ARPC1A: variants seen among roughly 807,000 people sequenced by gnomAD.
ARPC1A encodes the protein actin-related protein 2/3 complex subunit 1A.
ARPC1A carries 8 observed loss-of-function variants against 46.9 expected under a neutral mutation model. That is an observed-to-expected ratio of 0.17 (90% CI 0.10 to 0.31). The LOEUF (loss-of-function observed/expected upper bound fraction) is 0.31. ARPC1A is among the 10% of genes least tolerant of loss of function. The pLI is 1.00. For synonymous variants in ARPC1A, 152 were observed against 169.0 expected, an observed-to-expected ratio of 0.90 and a Z score of 0.78; for missense variants, 286 against 483.6, an observed-to-expected ratio of 0.59 and a Z score of 3.83.
intron 2 of ARPC1A, among the ~76,000 whole-genome samples, chr7:99,336,044 A>G (rs1451860133): frequency 1.3e-5 from 2 of 152,028 alleles, no homozygotes; most frequent in African/African-American, 4.8e-5. Flanking sequence ...TTTTGTGATC[A>G]TCTCACAGAG....
intron 7 of ARPC1A, among the ~76,000 whole-genome samples, chr7:99,359,046 T>C (rs1338792661): frequency 1.4e-5 from 2 of 147,742 alleles, no homozygotes; most frequent in African/African-American, 5.0e-5. Flanking sequence ...TTAGCCAGGA[T>C]GGTCTCAATC....
At chr7:99,360,103 C>T (rs1793714379) in intron 8 of ARPC1A, 1 of 320,506 alleles carries the variant, frequency 3.1e-6, no homozygotes, top group South Asian at 3.4e-5. Context: ...TGCTGCGTTC[C>T]CACAGTAGTG....
At chr7:99,335,630 T>C (rs1218961772) in intron 2 of ARPC1A, 2 of 302,842 alleles carry the variant, frequency 6.6e-6, no homozygotes, top group Non-Finnish European at 1.3e-5. Context: ...TGACAGAGAT[T>C]ACTTTGAATC....
intron 1 of ARPC1A, among the ~76,000 whole-genome samples, chr7:99,333,070 T>C (rs1793174895): frequency 6.6e-6 from 1 of 152,154 alleles, no homozygotes; most frequent in Non-Finnish European, 1.5e-5. Context: ...CTAATTTTTG[T>C]ATTTTTAGTA....
chr7:99,357,045 G>T (rs1360247456), intron 6 of ARPC1A, among the ~76,000 whole-genome samples: 1 of 151,924 alleles, frequency 6.6e-6, no homozygotes, highest in Non-Finnish European at 1.5e-5. Context: ...TATACATTTG[G>T]TAATTTGCCT....
chr7:99,350,546 C>T, intron 5 of ARPC1A, among the ~76,000 whole-genome samples: 1 of 144,694 alleles, frequency 6.9e-6, no homozygotes, highest in Admixed American at 7.1e-5. Context: ...CAAGAATATG[C>T]TTTTTTCCCT....
chr7:99,365,021 TGAG>T (rs1271224919), intron 9 of ARPC1A, among the ~76,000 whole-genome samples: 9 of 151,970 alleles, frequency 5.9e-5, no homozygotes, highest in African/African-American at 9.7e-5. Context: ...GACTGTGAGT[TGAG>T]AAGACACAGG....
chr7:99,353,783 T>G, intron 5 of ARPC1A, 126 bp from the exon 6 acceptor site: 28 of 945,922 alleles, frequency 3.0e-5, no homozygotes, highest in Non-Finnish European at 3.4e-5. Context: ...CCAGCTCATG[T>G]TTTATTTTTT....
intron 7 of ARPC1A, chr7:99,358,714 ATT>A (rs1793685346): frequency 3.5e-6 from 1 of 288,488 alleles, no homozygotes; most frequent in Non-Finnish European, 6.6e-6. Flanking sequence ...CTAATTTTGT[ATT>A]TTTAGAAGAG....
intron 2 of ARPC1A, chr7:99,335,318 C>A: frequency 2.6e-6 from 1 of 379,818 alleles, no homozygotes; most frequent in South Asian, 1.9e-5. Flanking sequence ...TTTTCCTGCA[C>A]CTTTTGTTGA....
intron 1 of ARPC1A, among the ~76,000 whole-genome samples, chr7:99,327,132 A>T (rs1421141241): frequency 6.6e-6 from 1 of 151,736 alleles, no homozygotes; most frequent in African/African-American, 2.4e-5. Flanking sequence ...GAGGAGGGGC[A>T]TCAGTCAGGA....
chr7:99,350,769 C>T (rs1793533192), intron 5 of ARPC1A, among the ~76,000 whole-genome samples: 1 of 150,700 alleles, frequency 6.6e-6, no homozygotes, highest in Non-Finnish European at 1.5e-5. Flanking sequence ...CCTCAGTCTC[C>T]TGAGTAGCTG....
chr7:99,333,144 C>G (rs1793176628), intron 1 of ARPC1A, among the ~76,000 whole-genome samples, 181 bp from the exon 2 acceptor site: 1 of 152,186 alleles, frequency 6.6e-6, no homozygotes, highest in Admixed American at 6.5e-5. Flanking sequence ...ATCCACCTGC[C>G]TTGGCCTCCC....
At chr7:99,353,467 T>C (rs1562801335) in intron 5 of ARPC1A, among the ~76,000 whole-genome samples, 2 of 148,702 alleles carry the variant, frequency 1.3e-5, no homozygotes, top group Non-Finnish European at 3.0e-5. Context: ...CTTATTTATT[T>C]ATTTATTTAT....
chr7:99,329,038 C>T (rs1379012238), intron 1 of ARPC1A, among the ~76,000 whole-genome samples: 4 of 151,782 alleles, frequency 2.6e-5, no homozygotes, highest in South Asian at 2.1e-4. Flanking sequence ...CGGTGGCTCA[C>T]GCCTGTAATC....
chr7:99,345,954 C>T (rs1202505867), intron 4 of ARPC1A, among the ~76,000 whole-genome samples: 1 of 152,144 alleles, frequency 6.6e-6, no homozygotes, highest in African/African-American at 2.4e-5. Context: ...TGGCTCATGC[C>T]TGTAACCCCA....
intron 8 of ARPC1A, among the ~76,000 whole-genome samples, chr7:99,362,559 G>C (rs1793764497): frequency 6.7e-6 from 1 of 148,984 alleles, no homozygotes; most frequent in Admixed American, 6.7e-5. Context: ...AGTCAGGATG[G>C]TCTCGATCTC....
chr7:99,364,505 C>T (rs1793797314), intron 9 of ARPC1A, among the ~76,000 whole-genome samples: 1 of 152,026 alleles, frequency 6.6e-6, no homozygotes, highest in Non-Finnish European at 1.5e-5. Flanking sequence ...CTCCCAACCT[C>T]AGGTGATCCA....
chr7:99,365,473 G>A (rs936392663), intron 9 of ARPC1A, among the ~76,000 whole-genome samples: 9 of 151,990 alleles, frequency 5.9e-5, no homozygotes, highest in African/African-American at 1.9e-4. Context: ...TAAAAACCAG[G>A]TGCAGTGACG....
Sources: gnomAD v4.1 joint callset for allele counts (sites outside exome capture counted in the v4.1 genomes callset) on GRCh38, gnomAD v4.1.1 for gene constraint, MANE v1.5 for transcripts, NCBI Gene and HGNC (gene_info 2026-07-23, HGNC 2026-07-21) for gene names.